The following CALN1 variants were observed in gnomAD, a reference collection of about 807,000 sequenced individuals.
CALN1 encodes calneuron 1.
CALN1 carries 17 observed loss-of-function variants against 30.6 expected under a neutral mutation model. The ratio of observed to expected loss-of-function variants is 0.56; its 90% CI spans 0.38 to 0.83. The LOEUF (loss-of-function observed/expected upper bound fraction) is 0.83. Ranked by LOEUF, CALN1 falls within the 40% of genes least tolerant of loss-of-function variation. CALN1 has a pLI of 0.00. For missense variants in CALN1, 291 were observed against 354.9 expected, an observed-to-expected ratio of 0.82 and a Z score of 1.45; for synonymous variants, 156 against 131.4, an observed-to-expected ratio of 1.19 and a Z score of -1.28.
chr7:72,170,933 G>A (rs940791003), intron 3 of CALN1, among the ~76,000 whole-genome samples: 6 of 152,164 alleles, frequency 3.9e-5, no homozygotes, highest in African/African-American at 1.4e-4. Context: ...AAGGCGGGTG[G>A]ATCACATTGA....
At chr7:72,315,878 G>C (rs747202960) in intron 2 of CALN1, among the ~76,000 whole-genome samples, 1 of 152,066 alleles carries the variant, frequency 6.6e-6, no homozygotes, top group Non-Finnish European at 1.5e-5. Flanking sequence ...GGCCGGGCGC[G>C]AATCATGCCT....
chr7:72,302,363 C>T (rs947629482), intron 2 of CALN1, among the ~76,000 whole-genome samples: 2 of 152,284 alleles, frequency 1.3e-5, no homozygotes, highest in Non-Finnish European at 1.5e-5. Context: ...TAATGAATGG[C>T]GATCATGCTG....
chr7:71,851,318 TCAACCTGGTCAACATGC>T (rs1456197581), intron 5 of CALN1, among the ~76,000 whole-genome samples: 1 of 149,694 alleles, frequency 6.7e-6, no homozygotes. Context: ...GAGTTCCAGA[TCAACCTGGTCAACATGC>T]CAAAACCCCA....
At chr7:72,270,056 T>C (rs903265081) in intron 3 of CALN1, among the ~76,000 whole-genome samples, 1 of 151,886 alleles carries the variant, frequency 6.6e-6, no homozygotes, top group African/African-American at 2.4e-5. Flanking sequence ...AAGAACCAAA[T>C]GAAAATTCTA....
chr7:71,908,370 A>T (rs1794250850), intron 5 of CALN1, among the ~76,000 whole-genome samples: 1 of 152,208 alleles, frequency 6.6e-6, no homozygotes, highest in Non-Finnish European at 1.5e-5. Flanking sequence ...GCTCAATTGC[A>T]AAACCTGGAG....
intron 2 of CALN1, among the ~76,000 whole-genome samples, chr7:72,304,868 C>G (rs917112932): frequency 6.6e-6 from 1 of 152,200 alleles, no homozygotes; most frequent in Admixed American, 6.5e-5. Flanking sequence ...TGTTTAACCT[C>G]TCCACACTTA....
chr7:71,866,891 T>G (rs1282072606), intron 5 of CALN1, among the ~76,000 whole-genome samples: 1 of 152,172 alleles, frequency 6.6e-6, no homozygotes, highest in Non-Finnish European at 1.5e-5. Flanking sequence ...ACGCCTGTAA[T>G]CCCAGCACTT....
chr7:72,152,832 T>C (rs779147848), intron 3 of CALN1, among the ~76,000 whole-genome samples: 2 of 152,190 alleles, frequency 1.3e-5, no homozygotes, highest in African/African-American at 2.4e-5. Context: ...TTCAGGTCTT[T>C]CCAAGCTGGG....
At chr7:72,385,424 A>T (rs1805153271) in intron 2 of CALN1, among the ~76,000 whole-genome samples, 1 of 152,180 alleles carries the variant, frequency 6.6e-6, no homozygotes, top group South Asian at 2.1e-4. Context: ...GTGAACGGAT[A>T]ACAAACTGTG....
chr7:72,010,777 C>T lies in CALN1; in HGVS notation c.501+12880G>A, dbSNP rs572200465. Among the ~76,000 whole-genome samples the T allele has an allele frequency of 3.4e-4, 51 of 149,526 alleles. 1 individual carries two copies. The highest frequency in any genetic ancestry group is 1.1e-3 in the African/African-American group (45 of 40,548). Reference sequence around the variant, plus strand: ...GCAGTGAGCCAAGATCGCGTCACTGCGCTCCAGCCACAGAGGAGACCCTGT... The same window carrying T: ...GCAGTGAGCCAAGATCGCGTCACTGTGCTCCAGCCACAGAGGAGACCCTGT... On this transcript the variant is annotated intron_variant, in intron 5 of 6. Transcript: ENST00000395275.
At chr7:72,462,236 C>G in the CALN1 span, among the ~76,000 whole-genome samples, 1 of 152,054 alleles carries the variant, frequency 6.6e-6, no homozygotes, top group Admixed American at 6.6e-5. Flanking sequence ...GGCTGGAGTG[C>G]AATAATGCAA....
chr7:71,942,805 C>A (rs2129522952), intron 5 of CALN1, among the ~76,000 whole-genome samples: 1 of 152,246 alleles, frequency 6.6e-6, no homozygotes, highest in East Asian at 1.9e-4. Context: ...AAACCTAAAG[C>A]CGGGAACTGC....
At chr7:71,984,641 GA>G (rs541197209) in intron 5 of CALN1, among the ~76,000 whole-genome samples, 1 of 152,134 alleles carries the variant, frequency 6.6e-6, no homozygotes, top group Non-Finnish European at 1.5e-5. Flanking sequence ...AGGGGTACAG[GA>G]GACCCATGGC....
At chr7:71,833,977 A>C (rs982952575) in intron 5 of CALN1, among the ~76,000 whole-genome samples, 16 of 152,096 alleles carry the variant, frequency 1.1e-4, no homozygotes, top group African/African-American at 3.6e-4. Context: ...TAATCCCAAC[A>C]CTTTGGGAGG....
At chr7:72,018,764 A>G (rs1051445736) in intron 5 of CALN1, among the ~76,000 whole-genome samples, 9 of 152,158 alleles carry the variant, frequency 5.9e-5, no homozygotes, top group African/African-American at 2.2e-4. Flanking sequence ...GCTGAATCCC[A>G]TTTGATTTTA....
intron 4 of CALN1, among the ~76,000 whole-genome samples, chr7:72,058,972 GT>G (rs1803466183): frequency 2.6e-5 from 4 of 152,126 alleles, no homozygotes. Flanking sequence ...AAGATTCAAG[GT>G]TTTAAACTTG....
intron 2 of CALN1, among the ~76,000 whole-genome samples, chr7:72,355,721 T>C (rs893533555): frequency 4.6e-5 from 7 of 152,194 alleles, no homozygotes. Flanking sequence ...TATGAAATTC[T>C]AGAACAGAAA....
intron 6 of CALN1, among the ~76,000 whole-genome samples, chr7:71,801,424 GTATGTATCTATC>G (rs1310220590): frequency 1.2e-3 from 126 of 102,672 alleles, no homozygotes; most frequent in African/African-American, 3.1e-3. Flanking sequence ...ATGTATGTAT[GTATGTATCTATC>G]TATCTATCTA....
chr7:72,306,410 A>G (rs943670968), intron 2 of CALN1, among the ~76,000 whole-genome samples: 1 of 152,180 alleles, frequency 6.6e-6, no homozygotes, highest in Non-Finnish European at 1.5e-5. Flanking sequence ...CCTTCAGAAG[A>G]AGGTCTCCAC....
Sources: gnomAD v4.1 joint callset for allele counts (sites outside exome capture counted in the v4.1 genomes callset) on GRCh38, gnomAD v4.1.1 for gene constraint, MANE v1.5 for transcripts, NCBI Gene and HGNC (gene_info 2026-07-23, HGNC 2026-07-21) for gene names.